Variants in ACTR3C observed in about 807,000 individuals in gnomAD.
The protein encoded by ACTR3C is actin-related protein 3C.
In ACTR3C, 18 loss-of-function variants were observed where a neutral mutation model predicts 26.3. The ratio of observed to expected loss-of-function variants is 0.68; its 90% confidence interval spans 0.47 to 1.01. The LOEUF is 1.01. ACTR3C is among the 50% of genes least tolerant of loss of function. The pLI, the probability that ACTR3C is intolerant of heterozygous loss-of-function variation, is 0.00. For synonymous variants in ACTR3C, 55 were observed against 94.5 expected, an observed-to-expected ratio of 0.58 and a Z score of 2.42; for missense variants, 184 against 250.7, an observed-to-expected ratio of 0.73 and a Z score of 1.80.
intron 1 of ACTR3C, among the ~76,000 whole-genome samples, chr7:150,320,438 C>A (rs1797384580): frequency 6.6e-6 from 1 of 152,158 alleles, no homozygotes. Flanking sequence ...GGACTATTAT[C>A]TTTAGAGCAA....
the ACTR3C span, among the ~76,000 whole-genome samples, chr7:150,033,903 T>C: frequency 7.2e-6 from 1 of 138,318 alleles, no homozygotes; most frequent in Admixed American, 7.2e-5. Context: ...TCGCTCTCAG[T>C]CCCCGCGTCG....
At chr7:149,922,970 CTTTTTT>C in the ACTR3C span, among the ~76,000 whole-genome samples, 22 of 69,160 alleles carry the variant, frequency 3.2e-4, no homozygotes, top group African/African-American at 1.0e-3. Flanking sequence ...AAATAAAAGG[CTTTTTT>C]TTTTTTTTTT....
the ACTR3C span, among the ~76,000 whole-genome samples, chr7:150,036,505 C>T: frequency 6.9e-6 from 1 of 145,682 alleles, no homozygotes; most frequent in African/African-American, 2.5e-5. Context: ...TCTTGTAACT[C>T]ATGAAAAACT....
chr7:150,280,829 TAC>T lies in ACTR3C; in HGVS notation c.564+3922_564+3923del, dbSNP rs1554460132. On this transcript the variant is annotated intron_variant, in intron 6 of 7. Coordinates refer to ENST00000683684, the MANE Select transcript of ACTR3C (RefSeq NM_001164458.2). ...GTGTGTGTGTGTGTGTATATATATA[TAC>T]ACACACACACAATTTTTACTTGTCA... 6.0e-3 allele frequency among the ~76,000 whole-genome samples: 907 copies of T among 150,452 alleles called. 6 individuals are homozygous for T. Among genetic ancestry groups the T allele is most frequent in the Middle Eastern group, 0.027 (8 of 294 alleles).
intron 6 of ACTR3C, among the ~76,000 whole-genome samples, chr7:150,253,563 GGATT>G (rs1287049158): frequency 2.0e-5 from 3 of 151,882 alleles, no homozygotes; most frequent in Non-Finnish European, 4.4e-5. Flanking sequence ...GGTTTTTTGT[GGATT>G]GATTTTATTG....
chr7:150,021,818 G>A, the ACTR3C span, among the ~76,000 whole-genome samples: 1 of 151,916 alleles, frequency 6.6e-6, no homozygotes, highest in African/African-American at 2.4e-5. Flanking sequence ...TCTTATGGCT[G>A]AGTAGTATTC....
At chr7:149,931,186 G>A in the ACTR3C span, among the ~76,000 whole-genome samples, 33 of 152,316 alleles carry the variant, frequency 2.2e-4, no homozygotes, top group African/African-American at 7.5e-4. Flanking sequence ...TTTTCTAAAC[G>A]TACATACTGT....
the ACTR3C span, among the ~76,000 whole-genome samples, chr7:149,885,563 C>CAG: frequency 0.03 from 4,496 of 152,368 alleles, 208 homozygotes; most frequent in African/African-American, 0.094. Flanking sequence ...TGGATGTTCT[C>CAG]ACCCCTACAG....
At chr7:149,915,285 A>T in the ACTR3C span, among the ~76,000 whole-genome samples, 4 of 152,144 alleles carry the variant, frequency 2.6e-5, no homozygotes, top group Non-Finnish European at 5.9e-5. Context: ...CTAAATGAAT[A>T]GACAGAAATC....
At chr7:150,303,330 A>G (rs1027481254) in intron 1 of ACTR3C, among the ~76,000 whole-genome samples, 6 of 152,166 alleles carry the variant, frequency 3.9e-5, no homozygotes, top group African/African-American at 1.4e-4. Flanking sequence ...GCATCCTTAG[A>G]ATGAAAGCCA....
At chr7:150,239,540 CTATA>C (rs869280836), downstream of ACTR3C, among the ~76,000 whole-genome samples, 590 of 90,172 alleles carry the variant, frequency 6.5e-3, 37 homozygotes, top group African/African-American at 0.02. Context: ...CTCTCTCTCT[CTATA>C]TATATATATA....
At chr7:149,973,139 T>C in the ACTR3C span, among the ~76,000 whole-genome samples, 1 of 152,292 alleles carries the variant, frequency 6.6e-6, no homozygotes, top group East Asian at 1.9e-4. Context: ...GGCACATTTG[T>C]CCCAGGTAAG....
At chr7:150,085,354 C>CA in the ACTR3C span, among the ~76,000 whole-genome samples, 1 of 152,100 alleles carries the variant, frequency 6.6e-6, no homozygotes, top group Admixed American at 6.5e-5. Flanking sequence ...GCTGAGAGGT[C>CA]ACGCGGGAAG....
Position 150,286,005 on chromosome 7 carries a change from A to AAT in ACTR3C, c.471+361_471+362insAT, listed in dbSNP as rs1369429880. Among the ~76,000 whole-genome samples the AAT allele has an allele frequency of 3.9e-4, 60 of 152,296 alleles. No individual in the cohort carries two copies. In the Middle Eastern group the frequency reaches 0.01, roughly 26 times the overall value. The stretch of plus-strand genomic sequence containing the variant: ...ACCAAAGATAGAAAGGTTACATATT[A>AAT]TCCCACTCTTATGCACAGGCAACCT... On this transcript the variant is annotated intron_variant, in intron 5 of 7. Transcript: ENST00000683684.
At chr7:149,917,202 A>G in the ACTR3C span, among the ~76,000 whole-genome samples, 3 of 151,960 alleles carry the variant, frequency 2.0e-5, no homozygotes, top group Admixed American at 2.0e-4. Flanking sequence ...CAGCCTCCCG[A>G]GTAGCTGGGA....
At chr7:150,320,799 T>G (rs1797433514) in intron 1 of ACTR3C, among the ~76,000 whole-genome samples, 1 of 152,164 alleles carries the variant, frequency 6.6e-6, no homozygotes, top group Non-Finnish European at 1.5e-5. Flanking sequence ...CTTTTTCCAT[T>G]AACTTGTTTC....
the ACTR3C span, among the ~76,000 whole-genome samples, chr7:150,046,711 AAGTC>A: frequency 1.4e-5 from 2 of 143,826 alleles, no homozygotes; most frequent in South Asian, 4.8e-4. Context: ...CCTCCCTTCT[AAGTC>A]CTAGCAGCCC....
the ACTR3C span, among the ~76,000 whole-genome samples, chr7:150,238,809 A>C: frequency 6.7e-6 from 1 of 149,000 alleles, no homozygotes; most frequent in East Asian, 2.0e-4. Context: ...ATAAAATCAC[A>C]AATCTTAATT....
chr7:150,237,614 G>A, the ACTR3C span, among the ~76,000 whole-genome samples: 75 of 152,274 alleles, frequency 4.9e-4, no homozygotes, highest in African/African-American at 1.8e-3. Flanking sequence ...AGTACCTAGA[G>A]AGGAACAATG....
Sources: gnomAD v4.1 joint callset for allele counts (sites outside exome capture counted in the v4.1 genomes callset) on GRCh38, gnomAD v4.1.1 for gene constraint, MANE v1.5 for transcripts, NCBI Gene and HGNC (gene_info 2026-07-23, HGNC 2026-07-21) for gene names.